MYT1L: variants seen among roughly 807,000 people sequenced by gnomAD.
MYT1L encodes the protein myelin transcription factor 1 like.
A neutral mutation model predicts 126.7 loss-of-function variants in MYT1L; 12 were observed. That is an observed-to-expected ratio of 0.09 (90% CI 0.06 to 0.15). The LOEUF is 0.15. MYT1L is among the 10% of genes least tolerant of loss of function. The probability of loss-of-function intolerance (pLI) is 1.00; values close to 1 mark genes in which losing one functional copy is unlikely to be tolerated. For missense variants in MYT1L, 979 were observed against 1,585.2 expected, an observed-to-expected ratio of 0.62 and a Z score of 6.49; for synonymous variants, 541 against 604.2, an observed-to-expected ratio of 0.90 and a Z score of 1.53.
chr2:2,046,753 A>G (rs1194586754), intron 4 of MYT1L, among the ~76,000 whole-genome samples: 1 of 152,214 alleles, frequency 6.6e-6, no homozygotes, highest in Non-Finnish European at 1.5e-5. Context: ...ATATTTGTAC[A>G]CTAAATATCT....
chr2:2,144,957 G>A (rs2084653000), intron 3 of MYT1L, among the ~76,000 whole-genome samples: 1 of 151,994 alleles, frequency 6.6e-6, no homozygotes, highest in Admixed American at 6.6e-5. Context: ...AATAAAATGG[G>A]CTGAATATAA....
At chr2:2,075,419 G>A (rs895478279) in intron 3 of MYT1L, among the ~76,000 whole-genome samples, 4 of 152,128 alleles carry the variant, frequency 2.6e-5, no homozygotes, top group African/African-American at 9.7e-5. Context: ...TGGACCCCTA[G>A]GTTAAGAGTT....
chr2:1,900,024 C>G (rs1558325859), intron 14 of MYT1L, among the ~76,000 whole-genome samples: 1 of 152,204 alleles, frequency 6.6e-6, no homozygotes, highest in Non-Finnish European at 1.5e-5. Context: ...TTATTTCATT[C>G]TGTATCTCCA....
intron 21 of MYT1L, among the ~76,000 whole-genome samples, chr2:1,817,206 A>C (rs1480372994): frequency 6.6e-6 from 1 of 152,252 alleles, no homozygotes; most frequent in Non-Finnish European, 1.5e-5. Context: ...ATAAAGGAAC[A>C]GAACTAAGTT....
intron 8 of MYT1L, among the ~76,000 whole-genome samples, chr2:1,975,662 G>A (rs922259720): frequency 6.6e-6 from 1 of 152,186 alleles, no homozygotes; most frequent in African/African-American, 2.4e-5. Context: ...CCAGGAGTTC[G>A]AGAGCACCCT....
intron 8 of MYT1L, among the ~76,000 whole-genome samples, chr2:1,957,128 C>T (rs1211773503): frequency 6.6e-6 from 1 of 152,184 alleles, no homozygotes; most frequent in Non-Finnish European, 1.5e-5. Context: ...ACAACAAGCA[C>T]CTGCTCCATT....
Position 1,998,824 on chromosome 2 carries a change from C to G in MYT1L, c.-157-1477G>C, listed in dbSNP as rs953810293. On this transcript the variant is annotated intron_variant, in intron 4 of 24. Transcript: ENST00000647738. The stretch of plus-strand genomic sequence containing the variant: ...GTTATGCGAGACCCCAGAGCCCACA[C>G]AATTCCTACCCGCCTTTGGATCTTA... 5.3e-5 allele frequency among the ~76,000 whole-genome samples: 8 copies of G among 152,130 alleles called. 1 individual carries two copies. Among genetic ancestry groups the G allele is most frequent in the African/African-American group, 1.7e-4 (7 of 41,424 alleles).
intron 2 of MYT1L, among the ~76,000 whole-genome samples, chr2:2,179,373 T>A (rs1349525707): frequency 9.9e-5 from 15 of 152,196 alleles, no homozygotes; most frequent in Non-Finnish European, 1.5e-5. Flanking sequence ...TTAGCTTAGA[T>A]GAGTTCACTT....
chr2:2,019,618 C>A (rs2064823523), intron 4 of MYT1L, among the ~76,000 whole-genome samples: 1 of 152,198 alleles, frequency 6.6e-6, no homozygotes, highest in African/African-American at 2.4e-5. Flanking sequence ...AGATCCATGT[C>A]ATTCTCTGCC....
chr2:2,281,757 C>G (rs1348362726), intron 2 of MYT1L, among the ~76,000 whole-genome samples: 1 of 152,192 alleles, frequency 6.6e-6, no homozygotes, highest in Non-Finnish European at 1.5e-5. Flanking sequence ...TAGACATAGT[C>G]TGTATCTCTC....
intron 3 of MYT1L, among the ~76,000 whole-genome samples, chr2:2,079,806 C>T (rs779489602): frequency 6.1e-5 from 9 of 147,336 alleles, no homozygotes; most frequent in African/African-American, 1.0e-4. Context: ...AGTGAGACTC[C>T]GTCTCAAAAA....
At chr2:2,303,237 C>T (rs374844871) in intron 1 of MYT1L, among the ~76,000 whole-genome samples, 35 of 152,268 alleles carry the variant, frequency 2.3e-4, no homozygotes, top group African/African-American at 7.7e-4. Flanking sequence ...GTTGAAAAAG[C>T]GGATCGCTCA....
chr2:2,273,128 CT>C (rs1387937304), intron 2 of MYT1L, among the ~76,000 whole-genome samples: 3 of 152,186 alleles, frequency 2.0e-5, no homozygotes, highest in Non-Finnish European at 2.9e-5. Context: ...ATCCTGCCCC[CT>C]GCCACAATTC....
At chr2:1,847,866 G>A (rs1034729398) in intron 19 of MYT1L, among the ~76,000 whole-genome samples, 2 of 152,112 alleles carry the variant, frequency 1.3e-5, no homozygotes, top group African/African-American at 4.8e-5. Context: ...ACTTAGGGAC[G>A]TTTTAGATGC....
intron 10 of MYT1L, among the ~76,000 whole-genome samples, chr2:1,919,523 A>T (rs971122806): frequency 6.6e-6 from 1 of 152,192 alleles, no homozygotes; most frequent in Non-Finnish European, 1.5e-5. Context: ...CATTAGCTCA[A>T]GATTTTGGAA....
chr2:1,871,278 C>T (rs1427921019), intron 18 of MYT1L, among the ~76,000 whole-genome samples: 1 of 152,214 alleles, frequency 6.6e-6, no homozygotes, highest in Non-Finnish European at 1.5e-5. Context: ...GCCAAGATCA[C>T]GTGTCTCCGT....
At chr2:2,239,909 T>G (rs1366325641) in intron 2 of MYT1L, among the ~76,000 whole-genome samples, 2 of 152,240 alleles carry the variant, frequency 1.3e-5, no homozygotes, top group Non-Finnish European at 2.9e-5. Flanking sequence ...CACTCATCTC[T>G]TTTTTCTCTG....
At chr2:1,971,057 G>C (rs1289882764) in intron 8 of MYT1L, among the ~76,000 whole-genome samples, 2 of 152,050 alleles carry the variant, frequency 1.3e-5, no homozygotes. Flanking sequence ...AAAATAAGCT[G>C]TAAGCCCAGC....
At chr2:2,089,346 G>A (rs1012439010) in intron 3 of MYT1L, among the ~76,000 whole-genome samples, 4 of 152,200 alleles carry the variant, frequency 2.6e-5, no homozygotes, top group African/African-American at 9.7e-5. Context: ...GTTTGCTATT[G>A]TACCGAAAAC....
Sources: gnomAD v4.1 joint callset for allele counts (sites outside exome capture counted in the v4.1 genomes callset) on GRCh38, gnomAD v4.1.1 for gene constraint, MANE v1.5 for transcripts, NCBI Gene and HGNC (gene_info 2026-07-23, HGNC 2026-07-21) for gene names.